The following PTPN9 variants were observed in gnomAD, a reference collection of about 807,000 sequenced individuals.
PTPN9 encodes protein tyrosine phosphatase non-receptor type 9, also known as tyrosine-protein phosphatase non-receptor type 9.
A neutral mutation model predicts 69.8 loss-of-function variants in PTPN9; 26 were observed. That is an observed-to-expected ratio of 0.37 (90% CI 0.27 to 0.52). PTPN9 has a LOEUF of 0.52. PTPN9 is among the 20% of genes least tolerant of loss of function. The pLI is 0.91. For synonymous variants in PTPN9, 274 were observed against 272.5 expected, an observed-to-expected ratio of 1.01 and a Z score of -0.05; for missense variants, 549 against 740.3, an observed-to-expected ratio of 0.74 and a Z score of 3.00.
At chr15:75,504,126 T>A (rs1322741222) in intron 7 of PTPN9, among the ~76,000 whole-genome samples, 1 of 79,230 alleles carries the variant, frequency 1.3e-5, no homozygotes, top group African/African-American at 5.0e-5. Flanking sequence ...GGGAGGGAGG[T>A]GGGGAGGTCA....
At chr15:75,544,796 G>C (rs555899173) in intron 1 of PTPN9, among the ~76,000 whole-genome samples, 39 of 152,168 alleles carry the variant, frequency 2.6e-4, no homozygotes, top group Admixed American at 8.5e-4. Flanking sequence ...AGAGTGGGAG[G>C]GGCCTTTGGT....
At chr15:75,472,850 A>G (rs975617283) in intron 10 of PTPN9, among the ~76,000 whole-genome samples, 3 of 151,568 alleles carry the variant, frequency 2.0e-5, no homozygotes, top group Non-Finnish European at 4.4e-5. Context: ...CGGGAGGCTG[A>G]GGCAGGAGAA....
chr15:75,578,586 G>T, intron 1 of PTPN9, 128 bp downstream of exon 1: 3 of 785,352 alleles, frequency 3.8e-6, no homozygotes, highest in Non-Finnish European at 5.1e-6. Context: ...AGGGAGGCCC[G>T]CGAGCCGGGC....
At chr15:75,540,596 C>A (rs1425210968) in intron 1 of PTPN9, among the ~76,000 whole-genome samples, 1 of 148,864 alleles carries the variant, frequency 6.7e-6, no homozygotes, top group Non-Finnish European at 1.5e-5. Context: ...AAATGTGAAT[C>A]AGGTCTGATT....
intron 9 of PTPN9, among the ~76,000 whole-genome samples, chr15:75,476,357 C>T (rs1290578545): frequency 2.0e-5 from 3 of 151,950 alleles, no homozygotes; most frequent in East Asian, 1.9e-4. Flanking sequence ...CTCTGTCGCC[C>T]AGGCTGGAGT....
chr15:75,472,351 C>T (rs1171438034), intron 10 of PTPN9, among the ~76,000 whole-genome samples: 2 of 151,040 alleles, frequency 1.3e-5, no homozygotes, highest in Admixed American at 6.6e-5. Context: ...CCCAGCTACT[C>T]GGGAGGCTGA....
At chr15:75,521,616 T>C (rs2074905634) in intron 4 of PTPN9, among the ~76,000 whole-genome samples, 2 of 151,202 alleles carry the variant, frequency 1.3e-5, no homozygotes, top group Admixed American at 1.3e-4. Flanking sequence ...GAGGCCGAGA[T>C]GGGAGGATTG....
At chr15:75,558,884 T>A (rs2075089740) in intron 1 of PTPN9, among the ~76,000 whole-genome samples, 1 of 152,036 alleles carries the variant, frequency 6.6e-6, no homozygotes, top group Non-Finnish European at 1.5e-5. Flanking sequence ...CGCTACAACC[T>A]CCACCTCCCA....
At chr15:75,515,907 AAAAAT>A (rs776851652) in intron 5 of PTPN9, among the ~76,000 whole-genome samples, 1 of 152,200 alleles carries the variant, frequency 6.6e-6, no homozygotes, top group Non-Finnish European at 1.5e-5. Flanking sequence ...CAAAAAACAT[AAAAAT>A]AAAATAAAAT....
chr15:75,504,045 C>A (rs1309989243), intron 7 of PTPN9, among the ~76,000 whole-genome samples: 1 of 121,266 alleles, frequency 8.2e-6, no homozygotes, highest in Non-Finnish European at 1.8e-5. Context: ...CTCAGCCCCC[C>A]GCCCGGCCAG....
intron 2 of PTPN9, among the ~76,000 whole-genome samples, chr15:75,526,322 C>T (rs557850502): frequency 3.3e-5 from 5 of 152,216 alleles, no homozygotes; most frequent in Admixed American, 2.6e-4. Flanking sequence ...GTAATCTCTG[C>T]ACCTGGAACA....
At chr15:75,509,142 T>C in intron 5 of PTPN9, 115 bp from the exon 6 acceptor site, 2 of 763,596 alleles carry the variant, frequency 2.6e-6, no homozygotes, top group Non-Finnish European at 4.3e-6. Context: ...GTCTACAGCC[T>C]AATTCAGGTT....
At position 75,505,732 on chromosome 15, in the gene PTPN9, T is replaced by C; in HGVS notation, c.911A>G (p.Tyr304Cys). 1 of 1,614,104 alleles carries C rather than the reference T, an allele frequency of 6.2e-7. No individual in the cohort carries two copies. The highest frequency in any genetic ancestry group is 8.5e-7 in the Non-Finnish European group (1 of 1,179,980). ...ACGACGAATGTCTTCATATTCCTCA[T>C]AGATTCCTTGCTTTTGCCTGGCATT... is the stretch of plus-strand genomic sequence containing the variant. ...YVNARQKQGI[Y>C]EEYEDIRREN... Residue 304 changes from tyrosine to cysteine, a missense_variant, in exon 7 of 13, where the codon TAT (tyrosine) becomes TGT (cysteine). Physicochemically the swap from Tyr to Cys is radical, Grantham distance 194 (BLOSUM62 -2). This residue lies in a region of PTPN9 where 457 missense variants were observed against 661.9 expected (regional missense o/e 0.69). Coordinates refer to ENST00000618819, the MANE Select transcript of PTPN9 (RefSeq NM_002833.4).
chr15:75,518,873 T>C (rs956105205), intron 4 of PTPN9, among the ~76,000 whole-genome samples: 1 of 151,972 alleles, frequency 6.6e-6, no homozygotes, highest in Non-Finnish European at 1.5e-5. Flanking sequence ...TGAGGAACAT[T>C]TGAAGATACA....
At chr15:75,472,480 T>TA (rs2074572804) in intron 10 of PTPN9, among the ~76,000 whole-genome samples, 1 of 145,038 alleles carries the variant, frequency 6.9e-6, no homozygotes. Flanking sequence ...TAAAATAAAA[T>TA]AAAATAAAAT....
intron 7 of PTPN9, among the ~76,000 whole-genome samples, chr15:75,498,211 A>C (rs986439395): frequency 2.6e-5 from 4 of 151,948 alleles, no homozygotes; most frequent in South Asian, 4.2e-4. Flanking sequence ...ATATATATAT[A>C]TATTTCTCCC....
intron 1 of PTPN9, among the ~76,000 whole-genome samples, chr15:75,550,844 T>C (rs2075053949): frequency 6.6e-6 from 1 of 152,068 alleles, no homozygotes; most frequent in Admixed American, 6.6e-5. Flanking sequence ...GAGCAGGGTC[T>C]CACTGTGTTG....
intron 7 of PTPN9, among the ~76,000 whole-genome samples, chr15:75,504,921 G>A (rs1347620433): frequency 1.1e-4 from 17 of 152,208 alleles, no homozygotes; most frequent in Non-Finnish European, 2.4e-4. Context: ...TAGGAAGTGA[G>A]GAGCCCCTCT....
chr15:75,546,005 A>G (rs1466085126), intron 1 of PTPN9, among the ~76,000 whole-genome samples: 1 of 152,210 alleles, frequency 6.6e-6, no homozygotes, highest in African/African-American at 2.4e-5. Context: ...CATGGTCTCT[A>G]CCCATAAAAA....
Sources: allele counts gnomAD v4.1 joint callset (sites outside exome capture counted in the v4.1 genomes callset), GRCh38; gene constraint gnomAD v4.1.1; regional missense constraint gnomAD v4.1.1; transcripts MANE v1.5; gene names NCBI Gene and HGNC (gene_info 2026-07-23, HGNC 2026-07-21).